Variants in DNAH12 observed in about 807,000 individuals in gnomAD.
DNAH12 encodes the protein axonemal beta dynein heavy chain 12.
DNAH12 carries 285 observed loss-of-function variants against 371.5 expected under a neutral mutation model. That is an observed-to-expected ratio of 0.77 (90% confidence interval 0.70 to 0.85). DNAH12 has a LOEUF of 0.85. Among genes scored for constraint, DNAH12 ranks in the 40% least tolerant of loss-of-function variants. The pLI, the probability that DNAH12 is intolerant of heterozygous loss-of-function variation, is 0.00. For missense variants in DNAH12, 3,611 were observed against 3,689.4 expected, an observed-to-expected ratio of 0.98 and a Z score of 0.55; for synonymous variants, 1,200 against 1,213.0, an observed-to-expected ratio of 0.99 and a Z score of 0.22.
intron 51 of DNAH12, among the ~76,000 whole-genome samples, chr3:57,379,684 T>C (rs1472124305): frequency 6.6e-6 from 1 of 151,194 alleles, no homozygotes; most frequent in African/African-American, 2.4e-5. Context: ...CTACTAATAG[T>C]ACAAAAATTA....
chr3:57,322,653 GGC>G (rs10582984), intron 64 of DNAH12, among the ~76,000 whole-genome samples, 170 bp from the exon 65 acceptor site: 33,666 of 152,182 alleles, frequency 0.22, 4,367 homozygotes, highest in South Asian at 0.4. Context: ...CAGCTGGCCA[GGC>G]GTGGTGGTGC....
At chr3:57,342,105 A>G (rs1297651737) in intron 60 of DNAH12, among the ~76,000 whole-genome samples, 1 of 152,164 alleles carries the variant, frequency 6.6e-6, no homozygotes, top group Non-Finnish European at 1.5e-5. Context: ...TATTCTACAC[A>G]AAAATCAACT....
intron 5 of DNAH12, 65 bp from the exon 6 acceptor site, chr3:57,509,277 T>C: frequency 6.8e-7 from 1 of 1,476,890 alleles, no homozygotes; most frequent in Non-Finnish European, 9.3e-7. Flanking sequence ...TATCAAAGTT[T>C]CTAACTTTTG....
At chr3:57,511,989 T>A (rs1356589945) in intron 4 of DNAH12, among the ~76,000 whole-genome samples, 2 of 151,822 alleles carry the variant, frequency 1.3e-5, no homozygotes, top group African/African-American at 4.8e-5. Flanking sequence ...CTTTTATAAC[T>A]TGAGTATAGG....
chr3:57,435,266 G>GGA (rs1320249584), intron 30 of DNAH12, among the ~76,000 whole-genome samples: 1 of 151,188 alleles, frequency 6.6e-6, no homozygotes, highest in South Asian at 2.1e-4. Context: ...CAGCTACTCA[G>GGA]GAGGCTGAGG....
intron 39 of DNAH12, among the ~76,000 whole-genome samples, chr3:57,412,894 T>C (rs1262660017): frequency 2.6e-5 from 4 of 152,170 alleles, no homozygotes; most frequent in Non-Finnish European, 4.4e-5. Context: ...CTTACAAAAC[T>C]AAACGTATTC....
At chr3:57,295,424 TC>T in intron 73 of DNAH12, 100 bp downstream of exon 73, 1 of 804,906 alleles carries the variant, frequency 1.2e-6, no homozygotes, top group African/African-American at 1.8e-5. Flanking sequence ...TTGAGCTAGA[TC>T]CTAAAAGGTT....
intron 60 of DNAH12, among the ~76,000 whole-genome samples, chr3:57,337,680 G>GTATA (rs148163503): frequency 6.6e-6 from 1 of 150,710 alleles, no homozygotes; most frequent in African/African-American, 2.4e-5. Flanking sequence ...ATATATGTGT[G>GTATA]TATATATATA....
At chr3:57,318,304 G>A (rs2061730193) in intron 65 of DNAH12, among the ~76,000 whole-genome samples, 1 of 152,082 alleles carries the variant, frequency 6.6e-6, no homozygotes, top group Non-Finnish European at 1.5e-5. Context: ...TTACATGTAA[G>A]TCTTTAATCC....
chr3:57,457,107 T>A (rs1361140432), intron 22 of DNAH12, among the ~76,000 whole-genome samples: 1 of 152,228 alleles, frequency 6.6e-6, no homozygotes, highest in Non-Finnish European at 1.5e-5. Context: ...TTTGTCTTCC[T>A]GTTTTCACAC....
chr3:57,487,027 G>A (rs914811896), intron 12 of DNAH12, among the ~76,000 whole-genome samples: 1 of 152,036 alleles, frequency 6.6e-6, no homozygotes, highest in African/African-American at 2.4e-5. Flanking sequence ...CAAGGACAAC[G>A]GCCATAAAGT....
the DNAH12 span, among the ~76,000 whole-genome samples, chr3:57,554,338 T>C: frequency 6.6e-6 from 1 of 151,214 alleles, no homozygotes; most frequent in Non-Finnish European, 1.5e-5. Flanking sequence ...ACAATTACAG[T>C]ATCAAACACC....
intron 69 of DNAH12, among the ~76,000 whole-genome samples, chr3:57,307,641 T>C (rs968797756): frequency 2.0e-5 from 3 of 152,162 alleles, no homozygotes; most frequent in African/African-American, 4.8e-5. Context: ...ACCTGACACA[T>C]ACACTTTCTG....
chr3:57,422,789 G>A (rs1226288221), intron 35 of DNAH12, among the ~76,000 whole-genome samples: 1 of 152,140 alleles, frequency 6.6e-6, no homozygotes, highest in Non-Finnish European at 1.5e-5. Context: ...ATTTGTAATA[G>A]CAAAAGATCA....
intron 73 of DNAH12, 81 bp from the exon 74 acceptor site, chr3:57,294,052 T>C: frequency 2.9e-5 from 35 of 1,227,404 alleles, no homozygotes; most frequent in Non-Finnish European, 3.8e-5. Flanking sequence ...TATCTTGTAA[T>C]AAAATGGCCA....
At chr3:57,337,656 T>C (rs2062259384) in intron 60 of DNAH12, among the ~76,000 whole-genome samples, 1 of 151,934 alleles carries the variant, frequency 6.6e-6, no homozygotes, top group African/African-American at 2.4e-5. Flanking sequence ...TGAAACTCCA[T>C]CTCAAAAAAA....
chr3:57,433,619 GT>G (rs1218349688), intron 31 of DNAH12, 25 bp downstream of exon 31: 3 of 1,539,102 alleles, frequency 1.9e-6, no homozygotes, highest in African/African-American at 1.4e-5. Context: ...CCATAAGAGA[GT>G]TGGGAATACT....
intron 12 of DNAH12, among the ~76,000 whole-genome samples, chr3:57,484,510 CCAT>C (rs1284005884): frequency 6.6e-6 from 1 of 152,018 alleles, no homozygotes. Flanking sequence ...CACAGGATCT[CCAT>C]CTCTCACCTT....
chr3:57,457,244 A>C (rs535226152), intron 22 of DNAH12, among the ~76,000 whole-genome samples: 73 of 152,244 alleles, frequency 4.8e-4, no homozygotes, highest in South Asian at 1.0e-3. Context: ...CAAACTCCTA[A>C]CTGCCTTCCT....
Sources: gnomAD v4.1 joint callset for allele counts (sites outside exome capture counted in the v4.1 genomes callset) on GRCh38, gnomAD v4.1.1 for gene constraint, MANE v1.5 for transcripts, NCBI Gene and HGNC (gene_info 2026-07-23, HGNC 2026-07-21) for gene names.